Variants in MBP observed in about 807,000 individuals in gnomAD.
The protein encoded by MBP is myelin basic protein.
In MBP, 16 loss-of-function variants were observed where a neutral mutation model predicts 35.8. The ratio of observed to expected loss-of-function variants is 0.45; its 90% CI spans 0.30 to 0.68. The LOEUF (loss-of-function observed/expected upper bound fraction) is 0.68, where lower values mean the gene tolerates loss of function less well. MBP is among the 30% of genes least tolerant of loss of function. The pLI is 0.08. For synonymous variants in MBP, 143 were observed against 159.6 expected, an observed-to-expected ratio of 0.90 and a Z score of 0.78; for missense variants, 380 against 404.7, an observed-to-expected ratio of 0.94 and a Z score of 0.52.
Position 76,979,815 on chromosome 18 carries a change from T to C in MBP, c.*612A>G. 9.7e-6 allele frequency: 6 copies of C among 616,020 alleles called. No individual in the cohort carries two copies. Among genetic ancestry groups the C allele is most frequent in the Non-Finnish European group, 1.7e-5 (6 of 344,654 alleles). The allele number at this position is 616,020 out of a possible 1,614,324, so 38.2% of individuals were successfully genotyped here. On this transcript the variant is annotated 3_prime_UTR_variant, in exon 9 of 9. Coordinates refer to ENST00000355994, the MANE Select transcript of MBP (RefSeq NM_001025101.2). The stretch of plus-strand genomic sequence containing the variant: ...GCCACGGCCTGGGGAGGTGGCCCCC[T>C]CTCTGTGCTGCCCCACGTTGGACTC...
intron 3 of MBP, among the ~76,000 whole-genome samples, chr18:77,028,616 G>A (rs1375826684): frequency 1.2e-5 from 1 of 80,758 alleles, no homozygotes; most frequent in Non-Finnish European, 3.2e-5. Flanking sequence ...GGCCGGGCGG[G>A]GGGCTGACCC....
chr18:77,019,104 G>T (rs1971875318), intron 3 of MBP, among the ~76,000 whole-genome samples: 1 of 151,262 alleles, frequency 6.6e-6, no homozygotes, highest in African/African-American at 2.5e-5. Flanking sequence ...TACCAAATAG[G>T]TGTAATGTAC....
In MBP at chr18:76,980,362, G is replaced by A; in HGVS notation, c.*65C>T. 3 of 1,432,138 alleles carry A rather than the reference G, an allele frequency of 2.1e-6. No individual in the cohort carries two copies. The highest frequency in any genetic ancestry group is 3.0e-6 in the Non-Finnish European group (3 of 1,013,892). The allele number at this position is 1,432,138 out of a possible 1,614,324, so 88.7% of individuals were successfully genotyped here. ...TCTAATTAGGTAACAGGGGCAAGTGGGATTAAAGTTTTAAGGCAGTTATAT... is the reference window on the plus strand; with the variant it reads ...TCTAATTAGGTAACAGGGGCAAGTGAGATTAAAGTTTTAAGGCAGTTATAT... On this transcript the variant is annotated 3_prime_UTR_variant, in exon 9 of 9. Coordinates refer to ENST00000355994, the MANE Select transcript of MBP (RefSeq NM_001025101.2).
In MBP at chr18:77,102,369, C is replaced by T. The variant is rs750255460; in HGVS notation, c.51+2842G>A. Among the ~76,000 whole-genome samples, 21 of 152,178 alleles carry T rather than the reference C, an allele frequency of 1.4e-4. No individual in the cohort carries two copies. Among genetic ancestry groups the T allele is most frequent in the Non-Finnish European group, 2.8e-4 (19 of 68,030 alleles). ...GAAATGTGCAGAGTGGTAGGTGACACGGCTGGAGCTCATGTCACGTTTTCT... is the reference window on the plus strand; with the variant it reads ...GAAATGTGCAGAGTGGTAGGTGACATGGCTGGAGCTCATGTCACGTTTTCT... On this transcript the variant is annotated intron_variant, in intron 2 of 8. Coordinates refer to ENST00000355994, the MANE Select transcript of MBP (RefSeq NM_001025101.2). The surrounding 1 kb of genome is among the most constrained non-coding windows in gnomAD (Gnocchi z 4.4).
At chr18:77,001,679 C>G (rs1970642718) in intron 4 of MBP, among the ~76,000 whole-genome samples, 1 of 152,092 alleles carries the variant, frequency 6.6e-6, no homozygotes, top group Non-Finnish European at 1.5e-5. Context: ...GGCAAAACCC[C>G]CTCTCTACTA....
chr18:77,080,875 GT>G (rs984845977), intron 2 of MBP, among the ~76,000 whole-genome samples: 1 of 151,948 alleles, frequency 6.6e-6, no homozygotes, highest in Non-Finnish European at 1.5e-5. Context: ...TAGAGACAGG[GT>G]TTCACCATGT....
intron 7 of MBP, chr18:76,986,410 C>T: frequency 1.0e-6 from 1 of 985,496 alleles, no homozygotes; most frequent in Non-Finnish European, 1.2e-6. Flanking sequence ...ACACCAGAGG[C>T]CTCAAGGCTT....
chr18:77,076,909 C>T (rs768577232), intron 2 of MBP, among the ~76,000 whole-genome samples: 12 of 152,130 alleles, frequency 7.9e-5, no homozygotes, highest in African/African-American at 2.4e-4. Context: ...AATAGCTTTG[C>T]GATCAAGGGC....
At chr18:77,107,323 C>T (rs993236857) in intron 1 of MBP, among the ~76,000 whole-genome samples, 2 of 152,166 alleles carry the variant, frequency 1.3e-5, no homozygotes, top group African/African-American at 2.4e-5. Context: ...TCTCCAAGTG[C>T]CTGTTCCTGG....
Position 77,035,665 on chromosome 18 carries a change from G to T in MBP, c.140-18397C>A, listed in dbSNP as rs573764170. 2.6e-5 allele frequency among the ~76,000 whole-genome samples: 4 copies of T among 152,364 alleles called. No individual in the cohort carries two copies. The South Asian group carries it at 8.3e-4, about 32-fold the overall frequency. ...ACACGTCACGCTGCAGGTGAAGGGGGGGGGACCATGAGGCTGACTTATTTT... is the reference window on the plus strand; with the variant it reads ...ACACGTCACGCTGCAGGTGAAGGGGTGGGGACCATGAGGCTGACTTATTTT... On this transcript the variant is annotated intron_variant, in intron 3 of 8. Transcript: ENST00000355994.
chr18:77,061,947 C>A (rs190974964), intron 3 of MBP, among the ~76,000 whole-genome samples: 2 of 152,336 alleles, frequency 1.3e-5, no homozygotes, highest in Admixed American at 1.3e-4. Flanking sequence ...ACATGCTGTG[C>A]ACACAGGACT....
At chr18:77,056,960 G>C (rs567164371) in intron 3 of MBP, among the ~76,000 whole-genome samples, 1 of 152,094 alleles carries the variant, frequency 6.6e-6, no homozygotes, top group Non-Finnish European at 1.5e-5. Context: ...CCACACCCAC[G>C]GCGTGAGATT....
At chr18:76,997,775 C>CTG (rs1970370261) in intron 4 of MBP, among the ~76,000 whole-genome samples, 4 of 151,102 alleles carry the variant, frequency 2.6e-5, no homozygotes, top group Non-Finnish European at 5.9e-5. Flanking sequence ...CTCCGCCTCC[C>CTG]GGGTTCACGC....
intron 1 of MBP, among the ~76,000 whole-genome samples, 184 bp from the exon 2 acceptor site, chr18:77,105,470 T>G (rs1246716059): frequency 6.6e-6 from 1 of 152,186 alleles, no homozygotes; most frequent in African/African-American, 2.4e-5. Flanking sequence ...TATCTTTCCA[T>G]CCCATGCAAA....
Position 77,076,160 on chromosome 18 carries a change from G to A in MBP, c.52-9775C>T, listed in dbSNP as rs116250376. Among the ~76,000 whole-genome samples the A allele has an allele frequency of 7.5e-3, 1,137 of 152,330 alleles. 20 individuals carry two copies. Among genetic ancestry groups the A allele is most frequent in the African/African-American group, 0.026 (1,070 of 41,570 alleles). ...TGTGATGCATGAAAGAGGGCTGCTGGGTTTGGACACTTGTCCCACGGAGAA... is the reference window on the plus strand; with the variant it reads ...TGTGATGCATGAAAGAGGGCTGCTGAGTTTGGACACTTGTCCCACGGAGAA... On this transcript the variant is annotated intron_variant, in intron 2 of 8. Coordinates refer to ENST00000355994, the MANE Select transcript of MBP (RefSeq NM_001025101.2).
At chr18:77,045,671 G>C (rs1425106709) in intron 3 of MBP, among the ~76,000 whole-genome samples, 2 of 152,230 alleles carry the variant, frequency 1.3e-5, no homozygotes, top group Non-Finnish European at 2.9e-5. Flanking sequence ...ATTCCACACT[G>C]TTCTGTAATT....
At chr18:77,059,020 G>T (rs35575050) in intron 3 of MBP, among the ~76,000 whole-genome samples, 2 of 152,172 alleles carry the variant, frequency 1.3e-5, no homozygotes, top group African/African-American at 4.8e-5. Context: ...TGGGGAAATA[G>T]GCATATTCAG....
At chr18:77,008,697 A>G (rs1405625244) in intron 4 of MBP, among the ~76,000 whole-genome samples, 1 of 152,148 alleles carries the variant, frequency 6.6e-6, no homozygotes, top group Non-Finnish European at 1.5e-5. Flanking sequence ...ACTTTCAGCC[A>G]CTGCCTGGAC....
At chr18:76,998,931 A>G (rs1970478320) in intron 4 of MBP, among the ~76,000 whole-genome samples, 1 of 151,808 alleles carries the variant, frequency 6.6e-6, no homozygotes, top group East Asian at 1.9e-4. Context: ...GAAATGTGAT[A>G]GATGCAAGGT....
Sources: gnomAD v4.1 joint callset for allele counts (sites outside exome capture counted in the v4.1 genomes callset) on GRCh38, gnomAD v4.1.1 for gene constraint, Gnocchi (gnomAD v3.1) non-coding constraint, MANE v1.5 for transcripts, NCBI Gene and HGNC (gene_info 2026-07-23, HGNC 2026-07-21) for gene names.